The following IGSF23 variants were observed in gnomAD, a reference collection of about 807,000 sequenced individuals.
IGSF23 encodes the protein immunoglobulin superfamily member 23.
Under a neutral mutation model 17.8 loss-of-function variants are expected in IGSF23, and 14 were observed. The ratio of observed to expected loss-of-function variants is 0.79; its 90% confidence interval spans 0.52 to 1.23. The LOEUF (loss-of-function observed/expected upper bound fraction) is 1.23, where lower values mean the gene tolerates loss of function less well. IGSF23 is among the 50% of genes most tolerant of loss of function. The pLI, the probability that IGSF23 is intolerant of heterozygous loss-of-function variation, is 0.00. For missense variants in IGSF23, 214 were observed against 241.7 expected (o/e 0.89, Z 0.76); for synonymous variants, 85 against 92.5 (o/e 0.92, Z 0.46).
chr19:44,633,002 C>A (rs1972802382), intron 3 of IGSF23, among the ~76,000 whole-genome samples: 1 of 152,248 alleles, frequency 6.6e-6, no homozygotes. Context: ...ATTACACCTA[C>A]AAGCTCCGCT....
chr19:44,615,436 C>T (rs1972350444), intron 1 of IGSF23, among the ~76,000 whole-genome samples: 4 of 151,346 alleles, frequency 2.6e-5, no homozygotes, highest in Admixed American at 2.6e-4. Context: ...CCAGCCTGAC[C>T]AACATGGAGA....
At chr19:44,627,992 C>T (rs1203781501) in intron 3 of IGSF23, among the ~76,000 whole-genome samples, 7 of 150,918 alleles carry the variant, frequency 4.6e-5, no homozygotes, top group South Asian at 2.1e-4. Flanking sequence ...TTGCCCAGGC[C>T]GGAGTGCAGT....
At chr19:44,623,611 T>G in intron 1 of IGSF23, 96 bp from the exon 2 acceptor site, 2 of 1,226,532 alleles carry the variant, frequency 1.6e-6, no homozygotes, top group South Asian at 2.9e-5. Context: ...AATGAACACA[T>G]GAAAGAATGG....
intron 4 of IGSF23, 34 bp from the exon 5 acceptor site, chr19:44,636,385 T>C (rs1417630639): frequency 2.0e-5 from 3 of 151,916 alleles, no homozygotes; most frequent in African/African-American, 7.3e-5. Flanking sequence ...TCCTCCTGCA[T>C]GTGGAATTTA....
chr19:44,619,996 C>T (rs1052866498), intron 1 of IGSF23, among the ~76,000 whole-genome samples: 4 of 152,142 alleles, frequency 2.6e-5, no homozygotes, highest in African/African-American at 7.2e-5. Context: ...GTCGGCCAGG[C>T]GCAGTGGCTC....
intron 2 of IGSF23, among the ~76,000 whole-genome samples, chr19:44,625,446 G>C (rs917846249): frequency 6.6e-6 from 1 of 152,116 alleles, no homozygotes; most frequent in African/African-American, 2.4e-5. Context: ...GAAGTGGTTT[G>C]GGACCTGGTC....
intron 3 of IGSF23, among the ~76,000 whole-genome samples, chr19:44,629,654 A>C (rs1281336156): frequency 2.1e-5 from 1 of 46,852 alleles, no homozygotes; most frequent in Non-Finnish European, 4.5e-5. Flanking sequence ...TTTTTTTTTG[A>C]GACGGGGTCT....
intron 1 of IGSF23, among the ~76,000 whole-genome samples, chr19:44,618,356 A>G (rs1972434512): frequency 6.6e-6 from 1 of 152,038 alleles, no homozygotes; most frequent in Non-Finnish European, 1.5e-5. Context: ...GGGCAGCTAC[A>G]CCGTCGTGCT....
chr19:44,616,749 G>GA lies in IGSF23; in HGVS notation c.125+2990dup, dbSNP rs1167164725. Among the ~76,000 whole-genome samples, 473 of 132,552 alleles carry GA rather than the reference G, an allele frequency of 3.6e-3. 5 individuals are homozygous for GA. Among genetic ancestry groups the GA allele is most frequent in the African/African-American group, 9.9e-3 (360 of 36,202 alleles). The allele number at this position is 132,552 out of a possible 152,430, so 87.0% of individuals were successfully genotyped here. On this transcript the variant is annotated intron_variant, in intron 1 of 4. Coordinates refer to ENST00000402988, the MANE Select transcript of IGSF23 (RefSeq NM_001205280.2). ...AGAAACAATAACAAGCATAAAGCTT[G>GA]AAAAAAAAAAACAGTAAAAGTTTCC...
chr19:44,626,198 T>G (rs984483286), intron 2 of IGSF23, among the ~76,000 whole-genome samples: 1 of 152,132 alleles, frequency 6.6e-6, no homozygotes, highest in Non-Finnish European at 1.5e-5. Flanking sequence ...GAATGCGTGA[T>G]GGGAATCTCA....
At position 44,623,986 on chromosome 19, in the gene IGSF23, T is replaced by TCCACC. The variant is rs770685202; in HGVS notation, c.391+31_391+35dup. On this transcript the variant is annotated intron_variant, in intron 2 of 4. Transcript: ENST00000402988. ...TCTCGCTGCCAAGTGAGTCCCCCAT[T>TCCACC]CCACCCCACCCCACCCCACCCAAGA... is the stretch of plus-strand genomic sequence containing the variant. 18 of 1,540,818 alleles carry TCCACC rather than the reference T, an allele frequency of 1.2e-5. 2 individuals carry two copies. The South Asian group carries it at 1.3e-4, about 11-fold the overall frequency.
At chr19:44,633,930 A>G (rs111688074) in intron 3 of IGSF23, among the ~76,000 whole-genome samples, 1,679 of 152,308 alleles carry the variant, frequency 0.011, 26 homozygotes, top group African/African-American at 0.037. Context: ...AGATGTAACA[A>G]TTTGAATTTC....
At chr19:44,633,562 C>A (rs1339184083) in intron 3 of IGSF23, among the ~76,000 whole-genome samples, 2 of 152,192 alleles carry the variant, frequency 1.3e-5, no homozygotes, top group Admixed American at 6.5e-5. Flanking sequence ...AGTTGTCCAT[C>A]TGGCCCTTCA....
chr19:44,628,485 C>T (rs1386824129), intron 3 of IGSF23, among the ~76,000 whole-genome samples: 2 of 152,096 alleles, frequency 1.3e-5, no homozygotes, highest in Admixed American at 6.6e-5. Context: ...TAGTGGCTCA[C>T]ACCTGTAATC....
At chr19:44,624,899 CAAAAAAAA>C (rs71171273) in intron 2 of IGSF23, among the ~76,000 whole-genome samples, 67 of 87,680 alleles carry the variant, frequency 7.6e-4, no homozygotes, top group East Asian at 2.9e-3. Flanking sequence ...CTGTCTCTAC[CAAAAAAAA>C]AAAAAAAAAA....
intron 2 of IGSF23, among the ~76,000 whole-genome samples, chr19:44,625,567 A>C (rs1377305963): frequency 6.6e-6 from 1 of 152,126 alleles, no homozygotes; most frequent in Non-Finnish European, 1.5e-5. Flanking sequence ...AGGTAATCCT[A>C]TATACCTCTT....
intron 2 of IGSF23, among the ~76,000 whole-genome samples, chr19:44,626,944 T>G (rs544392734): frequency 6.7e-6 from 1 of 148,658 alleles, no homozygotes; most frequent in African/African-American, 2.5e-5. Context: ...AAAGGAATTA[T>G]GCAAGCCAAG....
intron 1 of IGSF23, among the ~76,000 whole-genome samples, chr19:44,621,377 G>A (rs846853): frequency 0.16 from 24,105 of 151,446 alleles, 2,111 homozygotes; most frequent in East Asian, 0.37. Context: ...AGGCCGGCAC[G>A]GTGGCTTACA....
At chr19:44,620,363 G>GTGTGTA (rs1430305117) in intron 1 of IGSF23, among the ~76,000 whole-genome samples, 2 of 151,366 alleles carry the variant, frequency 1.3e-5, no homozygotes, top group African/African-American at 4.9e-5. Context: ...GTGTGTGTGT[G>GTGTGTA]TGTGTGTGTG....
Sources: gnomAD v4.1 joint callset for allele counts (sites outside exome capture counted in the v4.1 genomes callset) on GRCh38, gnomAD v4.1.1 for gene constraint, MANE v1.5 for transcripts, NCBI Gene and HGNC (gene_info 2026-07-23, HGNC 2026-07-21) for gene names.